PPFIA2: variants seen among roughly 807,000 people sequenced by gnomAD.
The protein encoded by PPFIA2 is PPFI scaffold protein A2.
Under a neutral mutation model 175.5 loss-of-function variants are expected in PPFIA2, and 46 were observed. That is an observed-to-expected ratio of 0.26 (90% confidence interval 0.21 to 0.34). The LOEUF (loss-of-function observed/expected upper bound fraction) is 0.34, where lower values mean the gene tolerates loss of function less well. PPFIA2 is among the 10% of genes least tolerant of loss of function. PPFIA2 has a pLI of 1.00. For missense variants in PPFIA2, 1,179 were observed against 1,506.1 expected (o/e 0.78, Z 3.60); for synonymous variants, 568 against 511.4 (o/e 1.11, Z -1.49).
At chr12:81,720,800 T>C (rs2079214270) in intron 3 of PPFIA2, among the ~76,000 whole-genome samples, 1 of 151,400 alleles carries the variant, frequency 6.6e-6, no homozygotes. Flanking sequence ...TGAGCTGACT[T>C]GTATACACTT....
intron 16 of PPFIA2, among the ~76,000 whole-genome samples, chr12:81,357,591 C>A (rs1476906702): frequency 6.6e-6 from 1 of 152,122 alleles, no homozygotes; most frequent in Non-Finnish European, 1.5e-5. Flanking sequence ...ACATTTTCTT[C>A]AAAGTGTTTT....
intron 4 of PPFIA2, among the ~76,000 whole-genome samples, chr12:81,635,883 T>C (rs1157989561): frequency 6.6e-6 from 1 of 152,014 alleles, no homozygotes; most frequent in Admixed American, 6.6e-5. Flanking sequence ...TAAGAGATAC[T>C]ACTGTGGCCA....
chr12:81,497,623 G>A (rs1278453354), intron 4 of PPFIA2, among the ~76,000 whole-genome samples: 3 of 140,054 alleles, frequency 2.1e-5, no homozygotes, highest in African/African-American at 8.1e-5. Flanking sequence ...CACTGCCACT[G>A]CAGCCTCCCA....
chr12:81,399,586 T>C (rs1039214675), intron 8 of PPFIA2, among the ~76,000 whole-genome samples: 1 of 152,110 alleles, frequency 6.6e-6, no homozygotes, highest in African/African-American at 2.4e-5. Context: ...TACAACTTCA[T>C]GTATATATGG....
chr12:81,474,451 C>G (rs1041308650), intron 4 of PPFIA2, among the ~76,000 whole-genome samples: 4 of 151,948 alleles, frequency 2.6e-5, no homozygotes, highest in Admixed American at 1.3e-4. Flanking sequence ...ACCACCACAC[C>G]CAGCTAATTT....
intron 28 of PPFIA2, among the ~76,000 whole-genome samples, chr12:81,273,444 C>T (rs991154895): frequency 2.6e-5 from 4 of 152,130 alleles, no homozygotes; most frequent in African/African-American, 9.7e-5. Flanking sequence ...TCTTGTCCCT[C>T]TTAATTGGTT....
chr12:81,389,030 C>G (rs2039572836), intron 8 of PPFIA2, among the ~76,000 whole-genome samples: 1 of 151,542 alleles, frequency 6.6e-6, no homozygotes, highest in East Asian at 1.9e-4. Context: ...ATTCGCTGTT[C>G]TGGACTTTTC....
At chr12:81,663,934 G>C (rs2069526133) in intron 4 of PPFIA2, among the ~76,000 whole-genome samples, 1 of 152,104 alleles carries the variant, frequency 6.6e-6, no homozygotes, top group Non-Finnish European at 1.5e-5. Context: ...AACAAGAAAT[G>C]GGGAAAGGAT....
chr12:81,565,122 A>G (rs1047988519), intron 4 of PPFIA2, among the ~76,000 whole-genome samples: 1 of 152,176 alleles, frequency 6.6e-6, no homozygotes, highest in East Asian at 1.9e-4. Context: ...ACCCATCCCC[A>G]GTAGTGGTAA....
At chr12:81,339,101 A>C (rs944989235) in intron 21 of PPFIA2, 79 bp downstream of exon 21, 17 of 1,227,038 alleles carry the variant, frequency 1.4e-5, no homozygotes, top group Non-Finnish European at 1.7e-5. Flanking sequence ...AGAGCAATGA[A>C]ATGAAATGAA....
In PPFIA2 at chr12:81,746,216, T is replaced by A. The variant is rs1008170173; in HGVS notation, c.249+7757A>T. On this transcript the variant is annotated intron_variant, in intron 3 of 32. Coordinates refer to ENST00000549396, the MANE Select transcript of PPFIA2 (RefSeq NM_003625.5). The stretch of plus-strand genomic sequence containing the variant: ...ATGTTAGCTATTACAATTAATCTTA[T>A]CTTTGTTATTGAACACTTAAGAAGT... Among the ~76,000 whole-genome samples, 8 of 144,590 alleles carry A rather than the reference T, an allele frequency of 5.5e-5. 2 individuals are homozygous for A. The highest frequency in any genetic ancestry group is 1.9e-4 in the African/African-American group (8 of 41,070). The allele number at this position is 144,590 out of a possible 152,430, so 94.9% of individuals were successfully genotyped here. A position where few individuals can be genotyped will look rare whatever the true frequency, so the allele number is the denominator to read the frequency against.
chr12:81,682,853 GTCA>G (rs1364508652), intron 3 of PPFIA2, among the ~76,000 whole-genome samples: 1 of 151,848 alleles, frequency 6.6e-6, no homozygotes, highest in Admixed American at 6.6e-5. Flanking sequence ...TTCATGTTCT[GTCA>G]TCATATTTCT....
chr12:81,621,698 T>A (rs1055357686), intron 4 of PPFIA2, among the ~76,000 whole-genome samples: 1 of 152,190 alleles, frequency 6.6e-6, no homozygotes, highest in African/African-American at 2.4e-5. Context: ...ATAACTCCAA[T>A]AATTTTCCTA....
At chr12:81,726,792 T>C (rs554165189) in intron 3 of PPFIA2, among the ~76,000 whole-genome samples, 75 of 151,462 alleles carry the variant, frequency 5.0e-4, no homozygotes, top group African/African-American at 1.7e-3. Flanking sequence ...AAGTGAGCTT[T>C]CCACACCATT....
At chr12:81,671,914 A>G (rs957992321) in intron 4 of PPFIA2, among the ~76,000 whole-genome samples, 3 of 151,832 alleles carry the variant, frequency 2.0e-5, no homozygotes, top group Admixed American at 6.6e-5. Context: ...TTCTATTCCC[A>G]TCAATTGCAT....
intron 6 of PPFIA2, among the ~76,000 whole-genome samples, 182 bp from the exon 7 acceptor site, chr12:81,440,228 G>A (rs1285900808): frequency 6.6e-6 from 1 of 152,086 alleles, no homozygotes; most frequent in Non-Finnish European, 1.5e-5. Context: ...ACCTCGTATT[G>A]TCACTGTATC....
At chr12:81,565,945 A>G (rs1191826872) in intron 4 of PPFIA2, among the ~76,000 whole-genome samples, 1 of 152,196 alleles carries the variant, frequency 6.6e-6, no homozygotes, top group Non-Finnish European at 1.5e-5. Flanking sequence ...GCAGACCAGA[A>G]TTTGATGTAT....
In PPFIA2 at chr12:81,642,707, T is replaced by TATATAATATATACATA. The variant is rs1567687551; in HGVS notation, c.303+34083_303+34084insTATGTATATATTATAT. ...TCTATTATATACATACATGTATATG[T>TATATAATATATACATA]ATGTATGTATTATATACATACATGT... is the stretch of plus-strand genomic sequence containing the variant. On this transcript the variant is annotated intron_variant, in intron 4 of 32. Coordinates refer to ENST00000549396, the MANE Select transcript of PPFIA2 (RefSeq NM_003625.5). 1.7e-3 allele frequency among the ~76,000 whole-genome samples: 116 copies of TATATAATATATACATA among 69,858 alleles called. 30 individuals are homozygous for TATATAATATATACATA. Among genetic ancestry groups the TATATAATATATACATA allele is most frequent in the Non-Finnish European group, 3.0e-3 (83 of 28,094 alleles). The allele number at this position is 69,858 out of a possible 152,430, so 45.8% of individuals were successfully genotyped here.
chr12:81,387,309 T>C (rs1415258937), intron 8 of PPFIA2, among the ~76,000 whole-genome samples: 1 of 152,160 alleles, frequency 6.6e-6, no homozygotes, highest in Non-Finnish European at 1.5e-5. Flanking sequence ...ATAAACTTCA[T>C]TACCCCCTTA....
Sources: allele counts gnomAD v4.1 joint callset (sites outside exome capture counted in the v4.1 genomes callset), GRCh38; gene constraint gnomAD v4.1.1; transcripts MANE v1.5; gene names NCBI Gene and HGNC (gene_info 2026-07-23, HGNC 2026-07-21).